The following CNBD1 variants were observed in gnomAD, a reference collection of about 807,000 sequenced individuals.
CNBD1 encodes the protein cyclic nucleotide binding domain containing 1.
Under a neutral mutation model 54.4 loss-of-function variants are expected in CNBD1, and 71 were observed. The observed-to-expected ratio is 1.30, with a 90% confidence interval of 1.08 to 1.59. CNBD1 has a LOEUF of 1.59. Among genes scored for constraint, CNBD1 ranks in the 40% most tolerant of loss-of-function variants. CNBD1 has a pLI of 0.00. For synonymous variants in CNBD1, 182 were observed against 170.7 expected, an observed-to-expected ratio of 1.07 and a Z score of -0.51; for missense variants, 659 against 518.0, an observed-to-expected ratio of 1.27 and a Z score of -2.64.
intron 4 of CNBD1, among the ~76,000 whole-genome samples, chr8:87,022,075 A>G (rs1236871389): frequency 6.6e-6 from 1 of 152,196 alleles, no homozygotes; most frequent in African/African-American, 2.4e-5. Context: ...ATCTCATGGA[A>G]TGTCTTGGGT....
chr8:87,068,556 T>G (rs1252934175), intron 4 of CNBD1, among the ~76,000 whole-genome samples: 2 of 152,066 alleles, frequency 1.3e-5, no homozygotes, highest in African/African-American at 4.8e-5. Flanking sequence ...ACGTGTCTTG[T>G]TAATAATCTT....
At position 87,199,005 on chromosome 8, in the gene CNBD1, C is replaced by G. The variant is rs1047367886; in HGVS notation, c.432-6988C>G. 5.9e-5 allele frequency among the ~76,000 whole-genome samples: 9 copies of G among 152,154 alleles called. No individual in the cohort carries two copies. In the East Asian group the frequency reaches 1.7e-3, roughly 29 times the overall value. ...GTCACAGGGTGAAAGCAGGAGCAAG[C>G]GAAAATGTAGAGGGGGAGGTGCCCC... is the stretch of plus-strand genomic sequence containing the variant. On this transcript the variant is annotated intron_variant, in intron 4 of 10. Transcript: ENST00000518476.
At chr8:87,150,852 G>A (rs1207605563) in intron 4 of CNBD1, among the ~76,000 whole-genome samples, 1 of 152,196 alleles carries the variant, frequency 6.6e-6, no homozygotes, top group South Asian at 2.1e-4. Flanking sequence ...TTGGGTGCTT[G>A]AGAAGGACAT....
rs1365224207 is a variant in CNBD1 at position 87,399,574 on chromosome 8, C to T, written c.214-28972C>T. ...AATTTATGAACCTAATATAAAGCCCCTAATGCCAAAAGTTCAATCAAATGA... is the reference window on the plus strand; with the variant it reads ...AATTTATGAACCTAATATAAAGCCCTTAATGCCAAAAGTTCAATCAAATGA... On this transcript the variant is annotated intron_variant, in intron 2 of 7. Transcript: ENST00000521593. 5.3e-5 allele frequency among the ~76,000 whole-genome samples: 8 copies of T among 152,072 alleles called. No homozygotes were observed. In the South Asian group the frequency reaches 1.5e-3, roughly 28 times the overall value.
chr8:86,922,996 T>C lies in CNBD1; in HGVS notation c.273-16600T>C, dbSNP rs142722784. Among the ~76,000 whole-genome samples, 398 of 152,262 alleles carry C rather than the reference T, an allele frequency of 2.6e-3. 4 individuals carry two copies. Among genetic ancestry groups the C allele is most frequent in the African/African-American group, 9.2e-3 (382 of 41,554 alleles). On this transcript the variant is annotated intron_variant, in intron 3 of 10. Coordinates refer to ENST00000518476, the MANE Select transcript of CNBD1 (RefSeq NM_173538.3). ...AAGAACTGTTAATGGATTTCAAGTA[T>C]GTTGTAATATGTGATACTGTTACCA... is the stretch of plus-strand genomic sequence containing the variant.
intron 10 of CNBD1, among the ~76,000 whole-genome samples, chr8:87,366,206 C>A (rs4531075): frequency 0.37 from 56,393 of 151,894 alleles, 10,797 homozygotes; most frequent in Middle Eastern, 0.45. Context: ...CAACTGCGTT[C>A]TATTCTTAGA....
At chr8:87,277,362 C>T (rs1227890124) in intron 6 of CNBD1, among the ~76,000 whole-genome samples, 1 of 151,740 alleles carries the variant, frequency 6.6e-6, no homozygotes, top group Non-Finnish European at 1.5e-5. Flanking sequence ...ATCTGATTTA[C>T]TCAGTCTATG....
intron 4 of CNBD1, among the ~76,000 whole-genome samples, chr8:87,049,725 C>A (rs1422286104): frequency 6.6e-6 from 1 of 152,178 alleles, no homozygotes; most frequent in African/African-American, 2.4e-5. Context: ...AACTGAACTG[C>A]AGATCCTCTA....
chr8:87,231,641 C>G (rs1292095055), intron 5 of CNBD1, among the ~76,000 whole-genome samples: 1 of 152,090 alleles, frequency 6.6e-6, no homozygotes, highest in Non-Finnish European at 1.5e-5. Flanking sequence ...ATTTTTTTCT[C>G]TAGTTTTTTT....
intron 6 of CNBD1, among the ~76,000 whole-genome samples, chr8:87,244,524 G>A (rs1055373442): frequency 3.9e-5 from 6 of 151,946 alleles, no homozygotes; most frequent in African/African-American, 1.2e-4. Context: ...TAACAATATC[G>A]TCCTCCTTGC....
intron 8 of CNBD1, among the ~76,000 whole-genome samples, chr8:87,311,830 C>A (rs999648262): frequency 1.3e-5 from 2 of 152,006 alleles, no homozygotes; most frequent in Non-Finnish European, 2.9e-5. Context: ...TTAACCTATG[C>A]AAATTAACAC....
chr8:87,333,975 T>C (rs1006946448), intron 8 of CNBD1, among the ~76,000 whole-genome samples: 1 of 152,200 alleles, frequency 6.6e-6, no homozygotes, highest in Non-Finnish European at 1.5e-5. Flanking sequence ...CTGGTTGAAT[T>C]CGGCTGTTAA....
At chr8:87,010,331 TGGTCTGTCTTC>T in intron 4 of CNBD1, among the ~76,000 whole-genome samples, 1 of 152,338 alleles carries the variant, frequency 6.6e-6, no homozygotes. Context: ...AGTCTGACAT[TGGTCTGTCTTC>T]CAATTTTCTA....
chr8:87,071,430 G>A (rs115964046), intron 4 of CNBD1, among the ~76,000 whole-genome samples: 1,688 of 152,106 alleles, frequency 0.011, 35 homozygotes, highest in African/African-American at 0.035. Flanking sequence ...GACACTGAGA[G>A]GTTTTCTGGT....
intron 8 of CNBD1, among the ~76,000 whole-genome samples, chr8:87,290,306 T>C (rs1563539588): frequency 6.6e-6 from 1 of 152,082 alleles, no homozygotes; most frequent in Non-Finnish European, 1.5e-5. Flanking sequence ...ATATTTACCA[T>C]TTCTAGTCAT....
intron 3 of CNBD1, among the ~76,000 whole-genome samples, chr8:86,908,334 G>C (rs1586126943): frequency 6.6e-6 from 1 of 152,168 alleles, no homozygotes; most frequent in Non-Finnish European, 1.5e-5. Flanking sequence ...ATTCATATAT[G>C]TAGGAAATCA....
chr8:87,142,113 G>A (rs1586285993), intron 4 of CNBD1, among the ~76,000 whole-genome samples: 1 of 152,084 alleles, frequency 6.6e-6, no homozygotes, highest in Admixed American at 6.6e-5. Flanking sequence ...AATCTATTTG[G>A]TGAAAGTAGA....
rs139586252 is a variant in CNBD1, at chr8:86,939,184, G to A, written c.273-412G>A. Among the ~76,000 whole-genome samples the A allele has an allele frequency of 7.2e-3, 1,101 of 151,976 alleles. 4 individuals carry two copies. Among genetic ancestry groups the A allele is most frequent in the Non-Finnish European group, 0.012 (788 of 67,972 alleles). Reference sequence around the variant, plus strand: ...CCAAGATGTTTATAGATTACCAGTGGTAAATAAAAGTTAAATAATATAATT... The same window carrying A: ...CCAAGATGTTTATAGATTACCAGTGATAAATAAAAGTTAAATAATATAATT... On this transcript the variant is annotated intron_variant, in intron 3 of 10. Transcript: ENST00000518476.
chr8:87,060,744 T>G (rs1430831246), intron 4 of CNBD1, among the ~76,000 whole-genome samples: 1 of 152,072 alleles, frequency 6.6e-6, no homozygotes, highest in Admixed American at 6.6e-5. Context: ...AAAATAAAAT[T>G]TTTAAAATTA....
Sources: allele counts gnomAD v4.1 joint callset (sites outside exome capture counted in the v4.1 genomes callset), GRCh38; gene constraint gnomAD v4.1.1; transcripts MANE v1.5; gene names NCBI Gene and HGNC (gene_info 2026-07-23, HGNC 2026-07-21).